PRKCA: variants seen among roughly 807,000 people sequenced by gnomAD.
PRKCA encodes protein kinase C alpha type.
Under a neutral mutation model 87.0 loss-of-function variants are expected in PRKCA, and 27 were observed. The observed-to-expected ratio is 0.31, with a 90% CI of 0.23 to 0.43. The LOEUF is 0.43. PRKCA is among the 20% of genes least tolerant of loss of function. The pLI, the probability that PRKCA is intolerant of heterozygous loss-of-function variation, is 1.00. For missense variants in PRKCA, 518 were observed against 852.3 expected (o/e 0.61, Z 4.88); for synonymous variants, 329 against 311.1 (o/e 1.06, Z -0.61).
At chr17:66,583,366 T>G (rs1466537185) in intron 3 of PRKCA, among the ~76,000 whole-genome samples, 4 of 152,224 alleles carry the variant, frequency 2.6e-5, no homozygotes, top group Non-Finnish European at 4.4e-5. Flanking sequence ...TTTACTGTTC[T>G]GTTACTCATA....
chr17:66,489,953 G>A (rs1916162744), intron 2 of PRKCA, among the ~76,000 whole-genome samples: 4 of 151,592 alleles, frequency 2.6e-5, no homozygotes, highest in Non-Finnish European at 1.5e-5. Flanking sequence ...GCTAATTTTT[G>A]TAATTTTAGT....
chr17:66,674,014 T>C (rs184879690), intron 5 of PRKCA, among the ~76,000 whole-genome samples: 2 of 152,378 alleles, frequency 1.3e-5, no homozygotes, highest in Non-Finnish European at 1.5e-5. Flanking sequence ...ATGGACGCTT[T>C]ATGTACTGCA....
rs554689962 is a variant in PRKCA, at chr17:66,388,495, T to A, written c.205+82368T>A. 7.2e-5 allele frequency among the ~76,000 whole-genome samples: 11 copies of A among 152,216 alleles called. No homozygotes were observed. In the South Asian group the frequency reaches 2.3e-3, roughly 32 times the overall value. ...TTTTAGTAGAGACGGGATTTCACCA[T>A]GTTGATTAGGCTGGTCTCGAACTCT... On this transcript the variant is annotated intron_variant, in intron 2 of 16. Transcript: ENST00000413366.
intron 5 of PRKCA, among the ~76,000 whole-genome samples, chr17:66,682,876 C>T (rs59359949): frequency 0.014 from 2,187 of 152,308 alleles, 42 homozygotes; most frequent in African/African-American, 0.05. Context: ...CTTAGTAACT[C>T]GGAATTGGCA....
At chr17:66,732,515 G>T (rs768894987) in intron 8 of PRKCA, among the ~76,000 whole-genome samples, 173 bp from the exon 9 acceptor site, 5 of 152,182 alleles carry the variant, frequency 3.3e-5, no homozygotes, top group African/African-American at 2.4e-5. Flanking sequence ...TTTCCCTGTA[G>T]GGTGAGTGTA....
chr17:66,335,244 C>T (rs1442290994), intron 2 of PRKCA, among the ~76,000 whole-genome samples: 3 of 152,150 alleles, frequency 2.0e-5, no homozygotes, highest in Admixed American at 6.5e-5. Context: ...CCTCCCGTCT[C>T]AGCCTCCGTA....
At chr17:66,609,286 A>G (rs996758704) in intron 3 of PRKCA, among the ~76,000 whole-genome samples, 1 of 152,170 alleles carries the variant, frequency 6.6e-6, no homozygotes, top group African/African-American at 2.4e-5. Context: ...TTGGCTTTTC[A>G]AACATAGGTT....
At position 66,578,627 on chromosome 17, in the gene PRKCA, C is replaced by T. The variant is rs145671878; in HGVS notation, c.289-62728C>T. Among the ~76,000 whole-genome samples the T allele has an allele frequency of 5.5e-3, 835 of 152,300 alleles. 9 individuals carry two copies. The highest frequency in any genetic ancestry group is 0.019 in the African/African-American group (779 of 41,546). Reference sequence around the variant, plus strand: ...TGTATAAATAAGAAAGTAAACCCATCTCCCTGCCAAGTCATTCTAAAGAAG... The same window carrying T: ...TGTATAAATAAGAAAGTAAACCCATTTCCCTGCCAAGTCATTCTAAAGAAG... On this transcript the variant is annotated intron_variant, in intron 3 of 16. Transcript: ENST00000413366.
At chr17:66,510,111 A>C (rs1015016502) in intron 3 of PRKCA, among the ~76,000 whole-genome samples, 2 of 152,156 alleles carry the variant, frequency 1.3e-5, no homozygotes, top group African/African-American at 2.4e-5. Flanking sequence ...AAGGGGCTTT[A>C]CTGGCCCAAC....
intron 4 of PRKCA, 96 bp from the exon 5 acceptor site, chr17:66,645,287 G>T (rs1461934516): frequency 1.3e-6 from 2 of 1,538,538 alleles, no homozygotes; most frequent in Non-Finnish European, 1.8e-6. Context: ...CGAGTTGGGG[G>T]TAACTCATTT....
In PRKCA at chr17:66,675,312, G is replaced by C. The variant is rs546754399; in HGVS notation, c.530-11799G>C. On this transcript the variant is annotated intron_variant, in intron 5 of 16. Coordinates refer to ENST00000413366, the MANE Select transcript of PRKCA (RefSeq NM_002737.3). ...TCTCCATGGAGGCTCTGCCCTCCTGGCCTAATCACCTCCCAAAGGCCCCTC... is the reference window on the plus strand; with the variant it reads ...TCTCCATGGAGGCTCTGCCCTCCTGCCCTAATCACCTCCCAAAGGCCCCTC... Among the ~76,000 whole-genome samples, 11 of 152,238 alleles carry C rather than the reference G, an allele frequency of 7.2e-5. No individual in the cohort carries two copies. The South Asian group carries it at 2.3e-3, about 32-fold the overall frequency.
intron 2 of PRKCA, among the ~76,000 whole-genome samples, chr17:66,466,808 C>T (rs1183901504): frequency 6.6e-6 from 1 of 151,962 alleles, no homozygotes; most frequent in African/African-American, 2.4e-5. Flanking sequence ...CCTGCGAATT[C>T]CTTCACGCTG....
chr17:66,774,394 G>T (rs1161754330), intron 14 of PRKCA: 1 of 1,112,174 alleles, frequency 9.0e-7, no homozygotes, highest in South Asian at 2.3e-5. Flanking sequence ...GCCAAGGCAG[G>T]CGGATCGCCT....
chr17:66,781,885 A>AGTGTGTGTG (rs879505250), intron 14 of PRKCA, among the ~76,000 whole-genome samples: 6 of 131,412 alleles, frequency 4.6e-5, no homozygotes, highest in African/African-American at 1.3e-4. Flanking sequence ...ATATATATAT[A>AGTGTGTGTG]TAGTGTGTGT....
chr17:66,452,737 G>A (rs574368497), intron 2 of PRKCA, among the ~76,000 whole-genome samples: 1 of 152,288 alleles, frequency 6.6e-6, no homozygotes, highest in Admixed American at 6.5e-5. Flanking sequence ...GGTGGCGGGT[G>A]CCTGTAGTCC....
intron 3 of PRKCA, among the ~76,000 whole-genome samples, chr17:66,525,833 T>C (rs992003156): frequency 1.3e-5 from 2 of 152,218 alleles, no homozygotes; most frequent in Non-Finnish European, 2.9e-5. Context: ...CTCTTCTTCC[T>C]GTCTTCCAAA....
Position 66,302,700 on chromosome 17 carries a change from C to T in PRKCA, c.-152C>T, listed in dbSNP as rs924759373. On this transcript the variant is annotated 5_prime_UTR_variant, in exon 1 of 17. Coordinates refer to ENST00000413366, the MANE Select transcript of PRKCA (RefSeq NM_002737.3). ...GCACCAGCCCGACTCTCCCCGGCCC[C>T]CGCCGCGCCCCCTCGCCGCGACCTC... 7.0e-5 allele frequency: 23 copies of T among 330,532 alleles called. No individual in the cohort carries two copies. Among genetic ancestry groups the T allele is most frequent in the Admixed American group, 1.3e-4 (2 of 15,092 alleles). 20.5% of individuals were successfully genotyped at this position (330,532 alleles called of 1,614,324 possible).
At chr17:66,414,217 G>C (rs1336795121) in intron 2 of PRKCA, among the ~76,000 whole-genome samples, 4 of 152,068 alleles carry the variant, frequency 2.6e-5, no homozygotes, top group Admixed American at 2.6e-4. Flanking sequence ...TTGGTGAGAG[G>C]TGATTAGATC....
chr17:66,493,612 G>A (rs78505099), intron 2 of PRKCA, among the ~76,000 whole-genome samples: 5,242 of 151,534 alleles, frequency 0.035, 128 homozygotes, highest in Non-Finnish European at 0.05. Context: ...TGTACAGCAT[G>A]CTAGATTTGG....
Sources: gnomAD v4.1 joint callset for allele counts (sites outside exome capture counted in the v4.1 genomes callset) on GRCh38, gnomAD v4.1.1 for gene constraint, MANE v1.5 for transcripts, NCBI Gene and HGNC (gene_info 2026-07-23, HGNC 2026-07-21) for gene names.